The following PAWR variants were observed in gnomAD, a reference collection of about 807,000 sequenced individuals.
PAWR encodes pro-apoptotic WT1 regulator.
Under a neutral mutation model 32.0 loss-of-function variants are expected in PAWR, and 23 were observed. The observed-to-expected ratio is 0.72, with a 90% CI of 0.52 to 1.02. The LOEUF (loss-of-function observed/expected upper bound fraction) is 1.02. Ranked by LOEUF, PAWR falls within the 50% of genes least tolerant of loss-of-function variation. PAWR has a pLI of 0.00. For synonymous variants in PAWR, 226 were observed against 187.1 expected (o/e 1.21, Z -1.70); for missense variants, 457 against 437.7 (o/e 1.04, Z -0.39).
intron 2 of PAWR, among the ~76,000 whole-genome samples, chr12:79,649,200 T>C (rs2136792015): frequency 6.6e-6 from 1 of 152,272 alleles, no homozygotes; most frequent in South Asian, 2.1e-4. Flanking sequence ...AACTAATACT[T>C]TGAAGCATCA....
At chr12:79,617,909 T>TC (rs1430989731) in intron 3 of PAWR, among the ~76,000 whole-genome samples, 1 of 152,146 alleles carries the variant, frequency 6.6e-6, no homozygotes, top group East Asian at 1.9e-4. Context: ...CCTGCTCCTA[T>TC]CATGTGATGT....
intron 2 of PAWR, among the ~76,000 whole-genome samples, chr12:79,659,251 G>A (rs1257520990): frequency 3.3e-5 from 5 of 151,570 alleles, no homozygotes; most frequent in Admixed American, 6.6e-5. Context: ...CCAAGATGGC[G>A]CCACTGCACT....
chr12:79,619,104 G>C (rs1874882455), intron 3 of PAWR, among the ~76,000 whole-genome samples: 1 of 151,746 alleles, frequency 6.6e-6, no homozygotes, highest in Non-Finnish European at 1.5e-5. Flanking sequence ...TAGAAAACTT[G>C]AGACATAATT....
intron 2 of PAWR, among the ~76,000 whole-genome samples, chr12:79,667,482 A>T (rs1203340158): frequency 6.6e-6 from 1 of 152,216 alleles, no homozygotes; most frequent in African/African-American, 2.4e-5. Flanking sequence ...TGTGAGAAAC[A>T]ACAAGCTTTA....
At chr12:79,594,478 A>G (rs1873674118) in intron 5 of PAWR, 45 bp from the exon 6 acceptor site, 1 of 912,874 alleles carries the variant, frequency 1.1e-6, no homozygotes, top group Non-Finnish European at 1.7e-6. Flanking sequence ...GTAATTGTTT[A>G]TTTATAATCT....
At chr12:79,687,117 T>C (rs1258864351) in intron 2 of PAWR, among the ~76,000 whole-genome samples, 2 of 152,204 alleles carry the variant, frequency 1.3e-5, no homozygotes, top group Non-Finnish European at 2.9e-5. Context: ...GAAAAAAGGA[T>C]ATTTTTCTTA....
At chr12:79,655,062 T>A (rs1877031893) in intron 2 of PAWR, among the ~76,000 whole-genome samples, 1 of 152,224 alleles carries the variant, frequency 6.6e-6, no homozygotes, top group Non-Finnish European at 1.5e-5. Context: ...ATAGGAAAAG[T>A]TAAGGAAATA....
chr12:79,625,627 T>C (rs1875257445), intron 2 of PAWR, among the ~76,000 whole-genome samples: 1 of 151,902 alleles, frequency 6.6e-6, no homozygotes, highest in African/African-American at 2.4e-5. Context: ...CTACAAAACA[T>C]GGCTAACACG....
intron 4 of PAWR, among the ~76,000 whole-genome samples, chr12:79,611,170 T>C (rs914720174): frequency 6.8e-6 from 1 of 146,656 alleles, no homozygotes; most frequent in Non-Finnish European, 1.5e-5. Context: ...ATAAATCTTA[T>C]AGATATTTAT....
At chr12:79,632,339 A>ACG (rs1875718226) in intron 2 of PAWR, among the ~76,000 whole-genome samples, 3 of 53,028 alleles carry the variant, frequency 5.7e-5, no homozygotes, top group Non-Finnish European at 8.2e-5. Flanking sequence ...ATATATATAT[A>ACG]TATATATATA....
chr12:79,602,898 A>C (rs534674877), intron 4 of PAWR, among the ~76,000 whole-genome samples: 1 of 151,826 alleles, frequency 6.6e-6, no homozygotes, highest in East Asian at 1.9e-4. Flanking sequence ...GGAGTGAATG[A>C]AATTTCTACC....
chr12:79,643,338 A>G (rs1876420052), intron 2 of PAWR, among the ~76,000 whole-genome samples: 1 of 152,166 alleles, frequency 6.6e-6, no homozygotes, highest in Non-Finnish European at 1.5e-5. Context: ...TAGTCAAAGA[A>G]GTAATGAAAA....
At position 79,591,672 on chromosome 12, in the gene PAWR, T is replaced by C. The variant is rs1873561582; in HGVS notation, c.*935A>G. The C allele has an allele frequency of 6.6e-6, 1 of 152,142 alleles. No individual in the cohort carries two copies. Among genetic ancestry groups the C allele is most frequent in the South Asian group, 2.1e-4 (1 of 4,834 alleles). The allele number at this position is 152,142 out of a possible 1,614,324, so 9.4% of individuals were successfully genotyped here. Reference sequence around the variant, plus strand: ...CCAGTGTTATTCTTCAACTTAGAAATTAGGCAAAGTATTTTAGTACTATTT... The same window carrying C: ...CCAGTGTTATTCTTCAACTTAGAAACTAGGCAAAGTATTTTAGTACTATTT... On this transcript the variant is annotated 3_prime_UTR_variant, in exon 7 of 7. Transcript: ENST00000328827.
intron 2 of PAWR, among the ~76,000 whole-genome samples, chr12:79,644,822 C>G (rs1399479579): frequency 1.3e-5 from 2 of 152,054 alleles, no homozygotes; most frequent in Admixed American, 1.3e-4. Context: ...TTCCAAACAA[C>G]ACATCAAAGT....
At chr12:79,653,680 T>C (rs1592533331) in intron 2 of PAWR, among the ~76,000 whole-genome samples, 1 of 151,984 alleles carries the variant, frequency 6.6e-6, no homozygotes, top group Non-Finnish European at 1.5e-5. Context: ...GGTTTCTCCA[T>C]GTTGGTTAGG....
In PAWR at chr12:79,594,372, T is replaced by TCC; in HGVS notation, c.891_892dup (p.Glu298GlyfsTer3). 6.4e-7 allele frequency: 1 copy of TCC among 1,562,798 alleles called. No homozygotes were observed. The highest frequency in any genetic ancestry group is 1.2e-5 in the South Asian group (1 of 86,646). ...TTCTTCTTTGAGTTTTCCAATCATTTCCTCTTTATCTTGCATCAGTCTCAC... is the reference window on the plus strand; with the variant it reads ...TTCTTCTTTGAGTTTTCCAATCATTTCCCCTCTTTATCTTGCATCAGTCTCAC... On this transcript the variant is annotated frameshift_variant, in exon 6 of 7. Transcript: ENST00000328827. LOFTEE classifies it high-confidence loss of function.
At position 79,591,413 on chromosome 12, in the gene PAWR, A is replaced by G. The variant is rs1315549063; in HGVS notation, c.*1194T>C. 6.6e-6 allele frequency: 1 copy of G among 152,208 alleles called. No homozygotes were observed. The highest frequency in any genetic ancestry group is 1.5e-5 in the Non-Finnish European group (1 of 68,026). The allele number at this position is 152,208 out of a possible 1,614,324, so 9.4% of individuals were successfully genotyped here. A position where few individuals can be genotyped will look rare whatever the true frequency, so the allele number is the denominator to read the frequency against. On this transcript the variant is annotated 3_prime_UTR_variant, in exon 7 of 7. Coordinates refer to ENST00000328827, the MANE Select transcript of PAWR (RefSeq NM_002583.4). ...CTAGATAAAAGGATACCATACTGCT[A>G]TTTGAAATTCAATCACAAAGCAAAA...
Position 79,587,857 on chromosome 12 carries a change from T to C in PAWR, c.*4750A>G, listed in dbSNP as rs559572855. 2.0e-5 allele frequency: 3 copies of C among 152,138 alleles called. No individual in the cohort carries two copies. The South Asian group carries it at 6.2e-4, about 32-fold the overall frequency. 9.4% of individuals were successfully genotyped at this position (152,138 alleles called of 1,614,324 possible). A position where few individuals can be genotyped will look rare whatever the true frequency, so the allele number is the denominator to read the frequency against. On this transcript the variant is annotated 3_prime_UTR_variant, in exon 7 of 7. Transcript: ENST00000328827. Reference sequence around the variant, plus strand: ...TACATGCAAATTGAAAGTGAATCTATATTAAGTTGACTATTCCACAATAAA... The same window carrying C: ...TACATGCAAATTGAAAGTGAATCTACATTAAGTTGACTATTCCACAATAAA...
At chr12:79,658,812 C>T (rs948541886) in intron 2 of PAWR, among the ~76,000 whole-genome samples, 11 of 151,722 alleles carry the variant, frequency 7.3e-5, no homozygotes, top group Non-Finnish European at 1.0e-4. Flanking sequence ...TACAGGCACC[C>T]GCCATGCCCA....
Sources: allele counts gnomAD v4.1 joint callset (sites outside exome capture counted in the v4.1 genomes callset), GRCh38; gene constraint gnomAD v4.1.1; transcripts MANE v1.5; gene names NCBI Gene and HGNC (gene_info 2026-07-23, HGNC 2026-07-21).